The following SSH2 variants were observed in gnomAD, a reference collection of about 807,000 sequenced individuals.
SSH2 encodes the protein slingshot protein phosphatase 2.
A neutral mutation model predicts 135.2 loss-of-function variants in SSH2; 37 were observed. The ratio of observed to expected loss-of-function variants is 0.27; its 90% CI spans 0.21 to 0.36. The LOEUF is 0.36. SSH2 is among the 10% of genes least tolerant of loss of function. The probability of loss-of-function intolerance (pLI) is 1.00; values close to 1 mark genes in which losing one functional copy is unlikely to be tolerated. For missense variants in SSH2, 1,408 were observed against 1,765.3 expected (o/e 0.80, Z 3.63); for synonymous variants, 628 against 646.2 (o/e 0.97, Z 0.43).
chr17:29,827,698 A>G (rs941177223), intron 2 of SSH2, among the ~76,000 whole-genome samples: 2 of 151,958 alleles, frequency 1.3e-5, no homozygotes, highest in Non-Finnish European at 2.9e-5. Flanking sequence ...CATATCCCTC[A>G]GTATAGCTTT....
At chr17:29,859,506 T>G (rs1232188677) in intron 1 of SSH2, among the ~76,000 whole-genome samples, 1 of 152,168 alleles carries the variant, frequency 6.6e-6, no homozygotes, top group Non-Finnish European at 1.5e-5. Flanking sequence ...GTCCATGTGT[T>G]CTCATCATTT....
intron 1 of SSH2, chr17:29,856,379 T>C (rs1376997195): frequency 5.1e-6 from 1 of 197,714 alleles, no homozygotes; most frequent in African/African-American, 2.4e-5. Context: ...GTATGGTTGA[T>C]AAGACCTGTT....
At chr17:29,686,368 T>G (rs575633931) in intron 5 of SSH2, among the ~76,000 whole-genome samples, 1 of 151,986 alleles carries the variant, frequency 6.6e-6, no homozygotes, top group African/African-American at 2.4e-5. Flanking sequence ...ATGACAGTTT[T>G]TTTTTTTTTA....
At chr17:29,866,571 C>A (rs897888641) in intron 1 of SSH2, among the ~76,000 whole-genome samples, 3 of 152,088 alleles carry the variant, frequency 2.0e-5, no homozygotes, top group African/African-American at 7.2e-5. Context: ...TCTGAAAACC[C>A]ATGAAAAGAA....
intron 2 of SSH2, among the ~76,000 whole-genome samples, chr17:29,805,863 C>CAAA (rs11417396): frequency 4.0e-4 from 58 of 143,654 alleles, no homozygotes; most frequent in Non-Finnish European, 8.1e-4. Context: ...ACTCAGCTAT[C>CAAA]AAAAAAAAAA....
At chr17:29,908,801 G>A (rs1315856500) in intron 1 of SSH2, among the ~76,000 whole-genome samples, 4 of 147,790 alleles carry the variant, frequency 2.7e-5, no homozygotes, top group Non-Finnish European at 4.5e-5. Flanking sequence ...AAAATTGGCC[G>A]GGAGTGGTGG....
intron 3 of SSH2, among the ~76,000 whole-genome samples, chr17:29,727,587 G>T (rs1057190859): frequency 2.6e-5 from 4 of 152,176 alleles, no homozygotes; most frequent in African/African-American, 9.7e-5. Context: ...CAGAGAATAA[G>T]ATTTGATCCA....
intron 3 of SSH2, among the ~76,000 whole-genome samples, chr17:29,760,737 A>C (rs771057414): frequency 3.3e-5 from 5 of 152,000 alleles, no homozygotes; most frequent in African/African-American, 4.8e-5. Context: ...AAAAAAAAAA[A>C]ACCCATAATC....
At position 29,811,242 on chromosome 17, in the gene SSH2, C is replaced by G. The variant is rs1010901752; in HGVS notation, c.145-17305G>C. Reference sequence around the variant, plus strand: ...AACTCCTGGCCTCAAGTGATCCATCCTCCTTAGCCACCCAAAATGCTGGGA... The same window carrying G: ...AACTCCTGGCCTCAAGTGATCCATCGTCCTTAGCCACCCAAAATGCTGGGA... On this transcript the variant is annotated intron_variant, in intron 2 of 15. Coordinates refer to ENST00000540801, the MANE Select transcript of SSH2 (RefSeq NM_001282129.2). Among the ~76,000 whole-genome samples the G allele has an allele frequency of 3.9e-5, 6 of 152,150 alleles. No homozygotes were observed. In the East Asian group the frequency reaches 9.7e-4, roughly 25 times the overall value.
chr17:29,927,344 G>A (rs2067085486), intron 1 of SSH2, among the ~76,000 whole-genome samples: 1 of 151,988 alleles, frequency 6.6e-6, no homozygotes, highest in Non-Finnish European at 1.5e-5. Flanking sequence ...GCAAGATCCT[G>A]ATGAACAGGT....
In SSH2 at chr17:29,915,530, T is replaced by C. The variant is rs928938255; in HGVS notation, c.63+14408A>G. Among the ~76,000 whole-genome samples the C allele has an allele frequency of 3.9e-5, 6 of 152,364 alleles. No homozygotes were observed. The East Asian group carries it at 1.2e-3, about 29-fold the overall frequency. On this transcript the variant is annotated intron_variant, in intron 1 of 15. Transcript: ENST00000540801. The stretch of plus-strand genomic sequence containing the variant: ...ACTAAAAATACCAACACATTCATTC[T>C]ATGATTTGACTATACAAACTAAAGT...
chr17:29,766,513 A>G (rs957592577), intron 3 of SSH2, among the ~76,000 whole-genome samples: 3 of 151,908 alleles, frequency 2.0e-5, no homozygotes, highest in African/African-American at 7.2e-5. Context: ...AATTTCCCCT[A>G]TGTACCACCA....
intron 3 of SSH2, among the ~76,000 whole-genome samples, chr17:29,791,301 C>G (rs1029153457): frequency 1.3e-5 from 2 of 151,880 alleles, no homozygotes; most frequent in Non-Finnish European, 2.9e-5. Context: ...GGCCAGGTTG[C>G]TCTTGAACTC....
chr17:29,866,102 C>CAAAAAAAAA (rs34216701), intron 1 of SSH2: 2 of 113,706 alleles, frequency 1.8e-5, no homozygotes, highest in Non-Finnish European at 1.9e-5. Context: ...AACTCCATCT[C>CAAAAAAAAA]AAAAAAAAAA....
intron 1 of SSH2, among the ~76,000 whole-genome samples, chr17:29,905,770 G>A (rs149154242): frequency 6.6e-6 from 1 of 152,264 alleles, no homozygotes; most frequent in South Asian, 2.1e-4. Context: ...AGTGGAAACT[G>A]GTGCCTTTCT....
chr17:29,679,851 A>AC (rs1475949373), intron 6 of SSH2, among the ~76,000 whole-genome samples: 1 of 152,226 alleles, frequency 6.6e-6, no homozygotes. Flanking sequence ...AGTGCCTAAA[A>AC]TGTAATAGTC....
intron 1 of SSH2, among the ~76,000 whole-genome samples, chr17:29,919,963 G>A (rs1414107254): frequency 6.6e-6 from 1 of 152,118 alleles, no homozygotes; most frequent in Non-Finnish European, 1.5e-5. Flanking sequence ...AGGCTGGAGT[G>A]CAATGGCGTG....
chr17:29,718,993 T>C (rs1460600512), intron 3 of SSH2, among the ~76,000 whole-genome samples: 3 of 152,176 alleles, frequency 2.0e-5, no homozygotes, highest in Non-Finnish European at 4.4e-5. Flanking sequence ...CACATCATAA[T>C]TTCTGCAACA....
At chr17:29,879,411 G>A (rs1306442486) in intron 1 of SSH2, among the ~76,000 whole-genome samples, 1 of 148,152 alleles carries the variant, frequency 6.7e-6, no homozygotes, top group Non-Finnish European at 1.5e-5. Context: ...ATTTTTTAGA[G>A]CGCTTTTAGG....
Sources: allele counts gnomAD v4.1 joint callset (sites outside exome capture counted in the v4.1 genomes callset), GRCh38; gene constraint gnomAD v4.1.1; transcripts MANE v1.5; gene names NCBI Gene and HGNC (gene_info 2026-07-23, HGNC 2026-07-21).